The following TTF1 variants were observed in gnomAD, a reference collection of about 807,000 sequenced individuals.
TTF1 encodes the protein transcription termination factor 1.
TTF1 carries 64 observed loss-of-function variants against 80.2 expected under a neutral mutation model. The ratio of observed to expected loss-of-function variants is 0.80; its 90% confidence interval spans 0.65 to 0.98. The LOEUF is 0.98. Ranked by LOEUF, TTF1 falls within the 50% of genes least tolerant of loss-of-function variation. The pLI is 0.00. For missense variants in TTF1, 1,023 were observed against 1,086.2 expected, an observed-to-expected ratio of 0.94 and a Z score of 0.82; for synonymous variants, 372 against 382.7, an observed-to-expected ratio of 0.97 and a Z score of 0.33.
In TTF1 at chr9:132,392,048, G is replaced by A. The variant is rs202124492; in HGVS notation, c.1987+28C>T. The A allele has an allele frequency of 3.6e-5, 58 of 1,613,174 alleles. No individual in the cohort carries two copies. In the African/African-American group the frequency reaches 4.9e-4, roughly 14 times the overall value. ...GCCTGTCAGGGCTTATTTCTTCAGC[G>A]AGGTGGGCACTGGGGGCTGCCACTT... is the stretch of plus-strand genomic sequence containing the variant. On this transcript the variant is annotated intron_variant, in intron 6 of 10. Coordinates refer to ENST00000334270, the MANE Select transcript of TTF1 (RefSeq NM_007344.4).
chr9:132,395,885 C>T (rs973062300), intron 5 of TTF1, among the ~76,000 whole-genome samples: 1 of 152,146 alleles, frequency 6.6e-6, no homozygotes, highest in African/African-American at 2.4e-5. Flanking sequence ...GCTCGGTCTA[C>T]GTTTGGTTTG....
chr9:132,401,583 G>C lies in TTF1; in HGVS notation c.1239C>G (p.Asn413Lys). 1 of 1,614,102 alleles carries C rather than the reference G, an allele frequency of 6.2e-7. No homozygotes were observed. The highest frequency in any genetic ancestry group is 8.5e-7 in the Non-Finnish European group (1 of 1,180,008). Residue 413 changes from asparagine to lysine, a missense_variant, in exon 2 of 11, where the codon AAC (asparagine) becomes AAG (lysine). Transcript: ENST00000334270. ...SGDDFSVPSK[N>K]SESTLFDSVE... The stretch of plus-strand genomic sequence containing the variant: ...CTGAATCAAAGAGTGTGCTCTCAGA[G>C]TTCTTACTGGGCACTGAAAAATCAT...
At chr9:132,404,267 T>G (rs904614030) in intron 1 of TTF1, among the ~76,000 whole-genome samples, 1 of 152,192 alleles carries the variant, frequency 6.6e-6, no homozygotes, top group Non-Finnish European at 1.5e-5. Context: ...AAAGTCTCAA[T>G]GCTAAGCACA....
chr9:132,403,770 A>T (rs542240893), intron 1 of TTF1, among the ~76,000 whole-genome samples: 2 of 152,332 alleles, frequency 1.3e-5, no homozygotes, highest in South Asian at 2.1e-4. Flanking sequence ...ATTAGACTCC[A>T]TTCGAGTGCA....
intron 10 of TTF1, among the ~76,000 whole-genome samples, chr9:132,377,472 T>G (rs1327020507): frequency 1.5e-5 from 1 of 65,050 alleles, no homozygotes; most frequent in Non-Finnish European, 3.3e-5. Flanking sequence ...GCATGTGGTG[T>G]GTGTGAATGC....
chr9:132,392,241 C>T lies in TTF1; in HGVS notation c.1857-35G>A, dbSNP rs377184808. 9.2e-5 allele frequency: 149 copies of T among 1,612,324 alleles called. No individual in the cohort carries two copies. In the African/African-American group the frequency reaches 1.0e-3, roughly 11 times the overall value. On this transcript the variant is annotated intron_variant, in intron 5 of 10. Coordinates refer to ENST00000334270, the MANE Select transcript of TTF1 (RefSeq NM_007344.4). ...AGGGAAAATGTTTTACAAGTTTAAA[C>T]GAACTATCAGATTAAAAATGGTATT...
At chr9:132,378,582 T>TTG (rs374643695) in intron 10 of TTF1, among the ~76,000 whole-genome samples, 2 of 125,936 alleles carry the variant, frequency 1.6e-5, no homozygotes, top group African/African-American at 7.2e-5. Flanking sequence ...GTGCATGTGG[T>TTG]GTGTGAATGC....
chr9:132,388,126 C>A lies in TTF1; in HGVS notation c.2312+13G>T. On this transcript the variant is annotated intron_variant, in intron 8 of 10. Coordinates refer to ENST00000334270, the MANE Select transcript of TTF1 (RefSeq NM_007344.4). ...AGAAACAGTTAAGAGGCATCCGTTT[C>A]TATTTTTCATACCTTTCAATAAGGC... is the stretch of plus-strand genomic sequence containing the variant. 6.2e-7 allele frequency: 1 copy of A among 1,602,968 alleles called. No homozygotes were observed. The highest frequency in any genetic ancestry group is 8.5e-7 in the Non-Finnish European group (1 of 1,171,896).
chr9:132,400,184 G>C lies in TTF1; in HGVS notation c.1442C>G (p.Ser481Ter), dbSNP rs780362751. The change falls in exon 3 of 11, where the codon TCA (serine) becomes TGA (stop). Residue 481 changes from serine (S) to a stop codon, truncating the protein, a stop_gained. Transcript: ENST00000334270. LOFTEE classifies it high-confidence loss of function. ...DSEIRYLSAD[S>*]GDADDSDADL... The stretch of plus-strand genomic sequence containing the variant: ...CGCATCTGAATCATCGGCATCTCCT[G>C]AATCTGCAGATAAGTATCTTATTTC... The C allele has an allele frequency of 2.1e-5, 34 of 1,614,056 alleles. No individual in the cohort carries two copies. In the Admixed American group the frequency reaches 3.5e-4, roughly 17 times the overall value.
Position 132,402,742 on chromosome 9 carries a change from T to A in TTF1, c.80A>T (p.Glu27Val). 6.2e-7 allele frequency: 1 copy of A among 1,613,022 alleles called. No individual in the cohort carries two copies. ...KKKKKCSIHK[E>V]RPQKHSHEIF... is the part of the protein sequence containing the mutation. ...TTCGTGGGAATGTTTCTGAGGTCTT[T>A]CCTTATGTATAGAACACTTTTTCTT... The change falls in exon 2 of 11, where the codon GAA (glutamate) becomes GTA (valine). Residue 27 changes from glutamate to valine, a missense_variant. By Grantham distance (121) the Glu-to-Val change is moderately radical (BLOSUM62 -2). Coordinates refer to ENST00000334270, the MANE Select transcript of TTF1 (RefSeq NM_007344.4).
At chr9:132,394,734 A>G (rs1413682395) in intron 5 of TTF1, among the ~76,000 whole-genome samples, 1 of 151,824 alleles carries the variant, frequency 6.6e-6, no homozygotes, top group Non-Finnish European at 1.5e-5. Flanking sequence ...CTCCACTAAA[A>G]ATATAAAAAT....
rs183885185 is a variant in TTF1 at position 132,381,677 on chromosome 9, A to C, written c.2379-2533T>G. Among the ~76,000 whole-genome samples, 780 of 152,284 alleles carry C rather than the reference A, an allele frequency of 5.1e-3. 3 individuals are homozygous for C. The highest frequency in any genetic ancestry group is 0.014 in the Middle Eastern group (4 of 294). On this transcript the variant is annotated intron_variant, in intron 9 of 10. Transcript: ENST00000334270. ...TGCCCCTCAGATGAGCTAGAAAAGA[A>C]AAGACTTTGGGACCACGGCATGTAT...
At chr9:132,389,967 T>C (rs570694174) in intron 7 of TTF1, among the ~76,000 whole-genome samples, 4 of 152,390 alleles carry the variant, frequency 2.6e-5, no homozygotes, top group African/African-American at 7.2e-5. Flanking sequence ...TCTATCTTTT[T>C]TCTCTCTATA....
In TTF1 at chr9:132,402,019, C is replaced by A; in HGVS notation, c.803G>T (p.Gly268Val). ...GLDDETPQLL[G>V]PTHKKKSKKK... ...CTTAGACTTTTTTTTGTGAGTAGGT[C>A]CTAGTAGTTGTGGAGTTTCATCATC... Residue 268 changes from glycine (G) to valine (V), a missense_variant, in exon 2 of 11, where the codon GGA becomes GTA. Transcript: ENST00000334270. 6.2e-7 allele frequency: 1 copy of A among 1,613,590 alleles called. No homozygotes were observed. The highest frequency in any genetic ancestry group is 1.6e-4 in the Middle Eastern group (1 of 6,062).
intron 10 of TTF1, among the ~76,000 whole-genome samples, chr9:132,378,047 ATGCATGTGGTGTGTGAG>A (rs1849264899): frequency 2.1e-5 from 1 of 47,660 alleles, no homozygotes. Flanking sequence ...GTGTGTGTGA[ATGCATGTGGTGTGTGAG>A]TGCATGTGGT....
At chr9:132,388,528 A>T (rs1046448876) in intron 7 of TTF1, among the ~76,000 whole-genome samples, 3 of 152,008 alleles carry the variant, frequency 2.0e-5, no homozygotes, top group Non-Finnish European at 4.4e-5. Context: ...TTCAGTAGAG[A>T]CAGGGTTTCA....
At chr9:132,386,800 T>C (rs998930232) in intron 8 of TTF1, among the ~76,000 whole-genome samples, 179 bp from the exon 9 acceptor site, 4 of 152,186 alleles carry the variant, frequency 2.6e-5, no homozygotes, top group East Asian at 3.9e-4. Flanking sequence ...GGTCAGTCAG[T>C]TGGTGGGCTA....
At chr9:132,383,211 G>T (rs927210121) in intron 9 of TTF1, among the ~76,000 whole-genome samples, 4 of 145,356 alleles carry the variant, frequency 2.8e-5, no homozygotes, top group African/African-American at 1.0e-4. Flanking sequence ...TCACACCATT[G>T]TAACTCCAGC....
chr9:132,385,674 C>T (rs955361332), intron 9 of TTF1, among the ~76,000 whole-genome samples: 2 of 152,318 alleles, frequency 1.3e-5, no homozygotes, highest in East Asian at 1.9e-4. Flanking sequence ...TGATTGCCCC[C>T]GACGTCCCTT....
Sources: gnomAD v4.1 joint callset for allele counts (sites outside exome capture counted in the v4.1 genomes callset) on GRCh38, gnomAD v4.1.1 for gene constraint, MANE v1.5 for transcripts, NCBI Gene and HGNC (gene_info 2026-07-23, HGNC 2026-07-21) for gene names.